Variants in GTF2A2 observed in about 807,000 individuals in gnomAD.
The protein encoded by GTF2A2 is general transcription factor IIA subunit 2, also known as transcription initiation factor IIA subunit 2.
In GTF2A2, 9 loss-of-function variants were observed where a neutral mutation model predicts 14.3. The ratio of observed to expected loss-of-function variants is 0.63; its 90% CI spans 0.38 to 1.10. The LOEUF (loss-of-function observed/expected upper bound fraction) is 1.10, where lower values mean the gene tolerates loss of function less well. Ranked by LOEUF, GTF2A2 falls within the 50% of genes least tolerant of loss-of-function variation. The pLI is 0.01. For missense variants in GTF2A2, 90 were observed against 124.6 expected (o/e 0.72, Z 1.32); for synonymous variants, 56 against 46.0 (o/e 1.22, Z -0.88).
intron 4 of GTF2A2, among the ~76,000 whole-genome samples, chr15:59,640,948 C>T (rs1304992480): frequency 6.6e-6 from 1 of 152,148 alleles, no homozygotes; most frequent in Admixed American, 6.5e-5. Flanking sequence ...CCTAGGTAAC[C>T]TTCTGAACTA....
chr15:59,649,227 C>T (rs1180147034), intron 3 of GTF2A2, among the ~76,000 whole-genome samples: 1 of 151,962 alleles, frequency 6.6e-6, no homozygotes, highest in Non-Finnish European at 1.5e-5. Flanking sequence ...TGATAAAAAG[C>T]GTGAGTTAGA....
chr15:59,655,810 AC>A (rs1356549477), intron 1 of GTF2A2, among the ~76,000 whole-genome samples: 3 of 152,078 alleles, frequency 2.0e-5, no homozygotes, highest in Non-Finnish European at 2.9e-5. Flanking sequence ...CTTGGGCAAA[AC>A]CTTTGATTTC....
At chr15:59,644,701 G>A (rs541809442) in intron 3 of GTF2A2, among the ~76,000 whole-genome samples, 17 of 152,328 alleles carry the variant, frequency 1.1e-4, no homozygotes, top group African/African-American at 4.1e-4. Context: ...TTTAAGTTGA[G>A]TCCTAAAGAA....
intron 4 of GTF2A2, among the ~76,000 whole-genome samples, chr15:59,640,778 A>G (rs1386837268): frequency 6.6e-6 from 1 of 152,212 alleles, no homozygotes; most frequent in Admixed American, 6.5e-5. Context: ...ATTGTACACA[A>G]TTTCAAATAT....
chr15:59,650,570 C>G (rs1164650872), intron 3 of GTF2A2, 99 bp downstream of exon 3: 2 of 644,600 alleles, frequency 3.1e-6, no homozygotes, highest in African/African-American at 1.8e-5. Flanking sequence ...TAAGCCACCT[C>G]TTCCTCTTAT....
rs1345453174 is a variant in GTF2A2 at position 59,641,064 on chromosome 15, A to AAAAT, written c.304+1068_304+1071dup. On this transcript the variant is annotated intron_variant, in intron 4 of 4. Transcript: ENST00000396060. Reference sequence around the variant, plus strand: ...AAGGTGTAATTTTATATAGCTACTAAAAATCAGGCTTAAGTGCAGGGGCTC... The same window carrying AAAAT: ...AAGGTGTAATTTTATATAGCTACTAAAAATAAATCAGGCTTAAGTGCAGGGGCTC... Among the ~76,000 whole-genome samples the AAAAT allele has an allele frequency of 2.6e-5, 4 of 152,280 alleles. No homozygotes were observed. The East Asian group carries it at 5.8e-4, about 22-fold the overall frequency.
intron 4 of GTF2A2, among the ~76,000 whole-genome samples, chr15:59,641,400 T>C (rs1891422191): frequency 6.6e-6 from 1 of 152,108 alleles, no homozygotes; most frequent in East Asian, 1.9e-4. Flanking sequence ...ATAAAACAAA[T>C]CCGACTCAAA....
At chr15:59,639,831 A>C (rs933485134) in intron 4 of GTF2A2, among the ~76,000 whole-genome samples, 1 of 151,482 alleles carries the variant, frequency 6.6e-6, no homozygotes, top group Non-Finnish European at 1.5e-5. Context: ...GCTCACTGCA[A>C]TCTCCACCTC....
intron 3 of GTF2A2, among the ~76,000 whole-genome samples, chr15:59,649,744 T>G (rs1462960399): frequency 6.6e-6 from 1 of 152,184 alleles, no homozygotes; most frequent in African/African-American, 2.4e-5. Context: ...AAATGGGGCT[T>G]TGTCTATCTT....
chr15:59,639,776 A>T (rs1343051906), intron 4 of GTF2A2, among the ~76,000 whole-genome samples: 2 of 144,564 alleles, frequency 1.4e-5, no homozygotes, highest in African/African-American at 5.2e-5. Context: ...TTAAAGACAG[A>T]GTCACACTGT....
At chr15:59,641,096 G>GTAATCCCAGCACTCTGGGAGAA (rs1354632039) in intron 4 of GTF2A2, among the ~76,000 whole-genome samples, 12 of 151,782 alleles carry the variant, frequency 7.9e-5, no homozygotes, top group African/African-American at 2.4e-4. Context: ...GCTCACGCCT[G>GTAATCCCAGCACTCTGGGAGAA]TAATCCCAGC....
Position 59,639,166 on chromosome 15 carries a change from CAAAAGAGA to C in GTF2A2, c.305-17_305-10del, listed in dbSNP as rs1301173348. 2.1e-6 allele frequency: 3 copies of C among 1,436,996 alleles called. No individual in the cohort carries two copies. The African/African-American group carries it at 4.3e-5, about 21-fold the overall frequency. 89.0% of individuals were successfully genotyped at this position (1,436,996 alleles called of 1,614,324 possible). On this transcript the variant is annotated splice_polypyrimidine_tract_variant and intron_variant, in intron 4 of 4. Coordinates refer to ENST00000396060, the MANE Select transcript of GTF2A2 (RefSeq NM_004492.3). ...AGTATTGGAGCCAGTATCTAGGAAA[CAAAAGAGA>C]AAGTAAAGTAAAGTAAATTCAAGGA... is the stretch of plus-strand genomic sequence containing the variant.
At chr15:59,643,356 AG>A (rs1216170040) in intron 3 of GTF2A2, among the ~76,000 whole-genome samples, 1 of 151,866 alleles carries the variant, frequency 6.6e-6, no homozygotes, top group Non-Finnish European at 1.5e-5. Flanking sequence ...CTGGGATTAC[AG>A]GCATGAATCA....
intron 3 of GTF2A2, among the ~76,000 whole-genome samples, chr15:59,647,164 C>T (rs942383085): frequency 2.0e-5 from 3 of 152,132 alleles, no homozygotes; most frequent in African/African-American, 7.2e-5. Context: ...ATGATCATGG[C>T]TCACTGCAGC....
intron 1 of GTF2A2, among the ~76,000 whole-genome samples, 173 bp from the exon 2 acceptor site, chr15:59,652,499 A>C (rs1427400533): frequency 3.3e-5 from 5 of 152,174 alleles, no homozygotes; most frequent in African/African-American, 7.2e-5. Context: ...ATGATTTTCC[A>C]GTTTTTTTCC....
chr15:59,641,073 C>CTTAAGTGCA (rs1425158739), intron 4 of GTF2A2, among the ~76,000 whole-genome samples: 27 of 152,062 alleles, frequency 1.8e-4, no homozygotes, highest in African/African-American at 6.3e-4. Context: ...AAAAATCAGG[C>CTTAAGTGCA]TTAAGTGCAG....
intron 1 of GTF2A2, among the ~76,000 whole-genome samples, chr15:59,654,873 T>C (rs1331374517): frequency 1.3e-5 from 2 of 152,228 alleles, no homozygotes; most frequent in African/African-American, 2.4e-5. Flanking sequence ...ATATACTTAG[T>C]GATTGAGTAC....
chr15:59,642,343 G>T, intron 3 of GTF2A2, 81 bp from the exon 4 acceptor site: 1 of 1,248,362 alleles, frequency 8.0e-7, no homozygotes, highest in South Asian at 1.6e-5. Flanking sequence ...AGAGATCTTA[G>T]CTACCAAGAA....
At chr15:59,650,292 G>A (rs1891752392) in intron 3 of GTF2A2, among the ~76,000 whole-genome samples, 3 of 152,272 alleles carry the variant, frequency 2.0e-5, no homozygotes, top group South Asian at 4.1e-4. Context: ...TACTTCCCTG[G>A]AACGGGGAAA....
Sources: gnomAD v4.1 joint callset for allele counts (sites outside exome capture counted in the v4.1 genomes callset) on GRCh38, gnomAD v4.1.1 for gene constraint, MANE v1.5 for transcripts, NCBI Gene and HGNC (gene_info 2026-07-23, HGNC 2026-07-21) for gene names.